The following TSC22D3 variants were observed in gnomAD, a reference collection of about 807,000 sequenced individuals.
The protein encoded by TSC22D3 is TSC22 domain family member 3, also known as TSC22 domain family protein 3.
In TSC22D3, 4 loss-of-function variants were observed where a neutral mutation model predicts 11.1. That is an observed-to-expected ratio of 0.36 (90% CI 0.18 to 0.83). The LOEUF (loss-of-function observed/expected upper bound fraction) is 0.83. Among genes scored for constraint, TSC22D3 ranks in the 40% least tolerant of loss-of-function variants. The pLI is 0.48. For missense variants in TSC22D3, 118 were observed against 159.4 expected (o/e 0.74, Z 1.40); for synonymous variants, 77 against 70.3 (o/e 1.10, Z -0.48).
intron 1 of TSC22D3, among the ~76,000 whole-genome samples, chrX:107,736,328 T>C (rs1928132700): frequency 1.8e-5 from 2 of 111,532 alleles, no homozygotes; most frequent in African/African-American, 6.5e-5. Flanking sequence ...GGGAACAGGA[T>C]CTTGGTCTCC....
chrX:107,770,237 G>C (rs768928707), intron 1 of TSC22D3, among the ~76,000 whole-genome samples: 1 of 111,996 alleles, frequency 8.9e-6, no homozygotes, highest in Non-Finnish European at 1.9e-5. Context: ...ATTTTAGATG[G>C]TACATGGACA....
At chrX:107,725,237 G>C (rs768001559) in intron 1 of TSC22D3, among the ~76,000 whole-genome samples, 1 of 112,535 alleles carries the variant, frequency 8.9e-6, no homozygotes, top group Admixed American at 9.4e-5. Context: ...CTAAATTATA[G>C]TATTACTTTC....
At chrX:107,741,437 C>G (rs1008769894) in intron 1 of TSC22D3, among the ~76,000 whole-genome samples, 1 of 112,795 alleles carries the variant, frequency 8.9e-6, no homozygotes, top group Non-Finnish European at 1.9e-5. Flanking sequence ...CTCTGGGAAG[C>G]CCAAGGCTTA....
intron 1 of TSC22D3, among the ~76,000 whole-genome samples, chrX:107,729,412 G>A (rs972260563): frequency 8.9e-6 from 1 of 111,922 alleles, no homozygotes; most frequent in Non-Finnish European, 1.9e-5. Context: ...AGGGCAGGAC[G>A]CTGGAGGAGC....
intron 1 of TSC22D3, among the ~76,000 whole-genome samples, chrX:107,720,800 A>G (rs954899181): frequency 2.7e-5 from 3 of 110,371 alleles, no homozygotes; most frequent in African/African-American, 9.9e-5. Flanking sequence ...GAACCCAAAG[A>G]GTTTTCTGCT....
intron 1 of TSC22D3, among the ~76,000 whole-genome samples, chrX:107,738,949 G>A (rs1928268119): frequency 1.8e-5 from 2 of 112,663 alleles, no homozygotes; most frequent in Non-Finnish European, 3.8e-5. Context: ...ACATTTCAGG[G>A]TCCAAAGAGC....
chrX:107,749,061 G>A (rs1928807445), intron 1 of TSC22D3, among the ~76,000 whole-genome samples: 1 of 111,292 alleles, frequency 9.0e-6, no homozygotes, highest in African/African-American at 3.3e-5. Flanking sequence ...CAGGTCAGGT[G>A]CGGTGGCTCA....
chrX:107,742,959 G>A (rs975782820), intron 1 of TSC22D3, among the ~76,000 whole-genome samples: 4 of 111,757 alleles, frequency 3.6e-5, no homozygotes, highest in Non-Finnish European at 5.7e-5. Flanking sequence ...GTTGGGAGGC[G>A]ACCTCCCAGA....
At chrX:107,756,158 C>T (rs1175998203) in intron 1 of TSC22D3, among the ~76,000 whole-genome samples, 1 of 112,189 alleles carries the variant, frequency 8.9e-6, no homozygotes, top group African/African-American at 3.2e-5. Context: ...CGTCTGCTAA[C>T]ACACAGTGTA....
intron 1 of TSC22D3, among the ~76,000 whole-genome samples, chrX:107,747,434 G>A (rs1387924508): frequency 8.9e-6 from 1 of 112,454 alleles, no homozygotes; most frequent in East Asian, 2.8e-4. Flanking sequence ...CTAAGTGGTG[G>A]GCACTGTGAT....
intron 1 of TSC22D3, chrX:107,716,689 C>A: frequency 8.3e-7 from 1 of 1,208,239 alleles, no homozygotes; most frequent in Non-Finnish European, 1.1e-6. Flanking sequence ...CCAGCGGTTA[C>A]CTGTTGTCCA....
At chrX:107,718,059 G>A (rs1447260370) in intron 1 of TSC22D3, among the ~76,000 whole-genome samples, 1 of 112,140 alleles carries the variant, frequency 8.9e-6, no homozygotes, top group Non-Finnish European at 1.9e-5. Flanking sequence ...GCCATGCACA[G>A]CATTAGAGGT....
At position 107,714,553 on chromosome X, in the gene TSC22D3, TGTG is replaced by T. The variant is rs761661696; in HGVS notation, c.566_568del (p.Pro189del). The T allele has an allele frequency of 8.3e-7, 1 of 1,211,004 alleles. No homozygotes were observed. Among genetic ancestry groups the T allele is most frequent in the East Asian group, 3.0e-5 (1 of 33,789 alleles). Reference sequence around the variant, plus strand: ...AGAACCACCAGGGGCCTCGGGCACTTGTGGGGATTCGGGAGCTGGCTCTTCAGG... The same window carrying T: ...AGAACCACCAGGGGCCTCGGGCACTTGGGATTCGGGAGCTGGCTCTTCAGG... On this transcript the variant is annotated inframe_deletion, in exon 3 of 3. Transcript: ENST00000372383.
At chrX:107,743,328 C>T (rs1174217684) in intron 1 of TSC22D3, among the ~76,000 whole-genome samples, 1 of 112,245 alleles carries the variant, frequency 8.9e-6, no homozygotes, top group African/African-American at 3.2e-5. Context: ...ACTCACAGAA[C>T]AGACAGCAGA....
In TSC22D3 at chrX:107,759,236, T is replaced by C. The variant is rs749411497; in HGVS notation, c.320+15864A>G. Among the ~76,000 whole-genome samples the C allele has an allele frequency of 2.7e-5, 3 of 111,203 alleles. No homozygotes were observed. The South Asian group carries it at 1.2e-3, about 43-fold the overall frequency. On this transcript the variant is annotated intron_variant, in intron 1 of 2. Coordinates refer to ENST00000372383, the MANE Select transcript of TSC22D3 (RefSeq NM_198057.3). Reference sequence around the variant, plus strand: ...GACCCCCTCTTGGGGTCATGACTCTTATCCAGGTACTACCTTCTCATTCTC... The same window carrying C: ...GACCCCCTCTTGGGGTCATGACTCTCATCCAGGTACTACCTTCTCATTCTC...
intron 2 of TSC22D3, among the ~76,000 whole-genome samples, chrX:107,715,528 A>G (rs1036658874): frequency 8.9e-6 from 1 of 112,411 alleles, no homozygotes; most frequent in African/African-American, 3.2e-5. Flanking sequence ...ACCCCAGTCC[A>G]GGCTCTGCAG....
At chrX:107,759,830 A>C (rs1396148299) in intron 1 of TSC22D3, among the ~76,000 whole-genome samples, 1 of 112,733 alleles carries the variant, frequency 8.9e-6, no homozygotes, top group Non-Finnish European at 1.9e-5. Context: ...GGGTGGGACA[A>C]CTGGAAACTC....
At chrX:107,715,268 C>T (rs937858978) in intron 2 of TSC22D3, among the ~76,000 whole-genome samples, 5 of 112,307 alleles carry the variant, frequency 4.5e-5, no homozygotes, top group Admixed American at 1.9e-4. Context: ...TGTCCTGCAG[C>T]CGGCCAGTTA....
At chrX:107,771,812 T>C (rs1199536522) in intron 1 of TSC22D3, among the ~76,000 whole-genome samples, 1 of 112,349 alleles carries the variant, frequency 8.9e-6, no homozygotes, top group African/African-American at 3.2e-5. Context: ...ACAGGCTGCA[T>C]GCCCATTCTC....
Sources: gnomAD v4.1 joint callset for allele counts (sites outside exome capture counted in the v4.1 genomes callset) on GRCh38, gnomAD v4.1.1 for gene constraint, MANE v1.5 for transcripts, NCBI Gene and HGNC (gene_info 2026-07-23, HGNC 2026-07-21) for gene names.